Variants in ASCC3 observed in about 807,000 individuals in gnomAD.
ASCC3 encodes ASC-1 complex subunit P200.
Under a neutral mutation model 256.3 loss-of-function variants are expected in ASCC3, and 158 were observed. The ratio of observed to expected loss-of-function variants is 0.62; its 90% CI spans 0.54 to 0.70. The LOEUF is 0.70. Among genes scored for constraint, ASCC3 ranks in the 30% least tolerant of loss-of-function variants. ASCC3 has a pLI of 0.00. For missense variants in ASCC3, 2,259 were observed against 2,626.0 expected, an observed-to-expected ratio of 0.86 and a Z score of 3.05; for synonymous variants, 948 against 883.4, an observed-to-expected ratio of 1.07 and a Z score of -1.30.
In ASCC3 at chr6:100,608,186, GTATATATATACTT is replaced by G. The variant is rs1303384551; in HGVS notation, c.4786-1111_4786-1099del. ...TATATACATATTTATATATGTGTGT[GTATATATATACTT>G]TATATATATACTTTATATATATACT... On this transcript the variant is annotated intron_variant, in intron 30 of 41. Coordinates refer to ENST00000369162, the MANE Select transcript of ASCC3 (RefSeq NM_006828.4). Among the ~76,000 whole-genome samples the G allele has an allele frequency of 8.8e-4, 23 of 26,166 alleles. 2 individuals are homozygous for G. The highest frequency in any genetic ancestry group is 2.6e-3 in the South Asian group (2 of 784). The allele number at this position is 26,166 out of a possible 152,430, so 17.2% of individuals were successfully genotyped here.
intron 10 of ASCC3, among the ~76,000 whole-genome samples, chr6:100,765,686 C>T (rs1388654987): frequency 6.6e-6 from 1 of 152,152 alleles, no homozygotes; most frequent in East Asian, 1.9e-4. Flanking sequence ...TCAGGATCTC[C>T]TGAGGTTGTC....
intron 8 of ASCC3, among the ~76,000 whole-genome samples, chr6:100,793,869 T>C (rs192850213): frequency 6.6e-6 from 1 of 152,124 alleles, no homozygotes; most frequent in African/African-American, 2.4e-5. Context: ...TAACTAACAC[T>C]GTATGCTGAA....
At chr6:100,521,870 T>TCTCA (rs1774328581) in intron 37 of ASCC3, among the ~76,000 whole-genome samples, 1 of 152,186 alleles carries the variant, frequency 6.6e-6, no homozygotes, top group Non-Finnish European at 1.5e-5. Context: ...GTTCCTTGTG[T>TCTCA]CTCACTACCT....
chr6:100,633,767 G>A (rs1363147651), intron 25 of ASCC3, among the ~76,000 whole-genome samples: 2 of 151,774 alleles, frequency 1.3e-5, no homozygotes, highest in African/African-American at 4.8e-5. Flanking sequence ...CCAGCTACTC[G>A]GGAGACTGAG....
intron 36 of ASCC3, among the ~76,000 whole-genome samples, chr6:100,575,256 T>G (rs1463607272): frequency 6.6e-6 from 1 of 152,156 alleles, no homozygotes; most frequent in Non-Finnish European, 1.5e-5. Context: ...TATTCATAAC[T>G]GGCTTGTCCT....
At chr6:100,833,572 A>G (rs1771726030) in intron 4 of ASCC3, among the ~76,000 whole-genome samples, 1 of 152,244 alleles carries the variant, frequency 6.6e-6, no homozygotes, top group Non-Finnish European at 1.5e-5. Flanking sequence ...CAAGAACTCT[A>G]TACGTTTCAC....
chr6:100,546,210 T>G (rs976195633), intron 36 of ASCC3, among the ~76,000 whole-genome samples: 1 of 152,080 alleles, frequency 6.6e-6, no homozygotes, highest in Admixed American at 6.5e-5. Context: ...ACCTGGATAT[T>G]GAAAACAAAA....
intron 30 of ASCC3, among the ~76,000 whole-genome samples, chr6:100,616,351 T>C (rs751510272): frequency 6.6e-5 from 10 of 152,360 alleles, no homozygotes; most frequent in Admixed American, 3.9e-4. Flanking sequence ...GAAAACACTA[T>C]CAATCTTACT....
chr6:100,655,784 G>T lies in ASCC3; in HGVS notation c.2738C>A (p.Ala913Glu). Residue 913 changes from alanine to glutamate, a missense_variant, in exon 17 of 42, where the codon GCA becomes GAA. Coordinates refer to ENST00000369162, the MANE Select transcript of ASCC3 (RefSeq NM_006828.4). Reference protein sequence around the residue: ...ALGTVTNVEEAVKWISYTYLY... With the variant: ...ALGTVTNVEEEVKWISYTYLY... ...ATAAGTGTAACTTATCCACTTCACT[G>T]CTTCTTCCACATTAGTAACTGTTCC... is the stretch of plus-strand genomic sequence containing the variant. The T allele has an allele frequency of 6.2e-7, 1 of 1,611,402 alleles. No individual in the cohort carries two copies.
intron 2 of ASCC3, among the ~76,000 whole-genome samples, chr6:100,865,809 T>C (rs1179119514): frequency 6.6e-6 from 1 of 152,206 alleles, no homozygotes; most frequent in Non-Finnish European, 1.5e-5. Flanking sequence ...TTTCTTCGTA[T>C]GTTCAATTGA....
intron 36 of ASCC3, among the ~76,000 whole-genome samples, chr6:100,584,304 G>C (rs1051346447): frequency 9.9e-5 from 15 of 151,572 alleles, no homozygotes; most frequent in African/African-American, 3.1e-4. Flanking sequence ...AGGATAGTTA[G>C]CTCTTCTTGT....
intron 5 of ASCC3, among the ~76,000 whole-genome samples, chr6:100,802,656 T>C (rs1769975406): frequency 6.6e-6 from 1 of 152,010 alleles, no homozygotes; most frequent in South Asian, 2.1e-4. Context: ...CCAAAAAATA[T>C]GTAAAGCTAG....
At chr6:100,655,544 CCTAT>C (rs1192034912) in intron 17 of ASCC3, among the ~76,000 whole-genome samples, 151 bp downstream of exon 17, 3 of 151,634 alleles carry the variant, frequency 2.0e-5, no homozygotes, top group Non-Finnish European at 4.4e-5. Flanking sequence ...ACTACAGGGG[CCTAT>C]CTAATTTTTT....
chr6:100,786,671 C>A (rs1206348689), intron 8 of ASCC3, among the ~76,000 whole-genome samples: 3 of 152,106 alleles, frequency 2.0e-5, no homozygotes, highest in African/African-American at 7.2e-5. Flanking sequence ...CAGAATTTAA[C>A]AGAGACTCTT....
intron 36 of ASCC3, among the ~76,000 whole-genome samples, chr6:100,564,355 T>A (rs760765738): frequency 1.3e-5 from 2 of 152,068 alleles, no homozygotes; most frequent in Non-Finnish European, 2.9e-5. Flanking sequence ...CCTCTCTTCA[T>A]CCCCCATACT....
intron 37 of ASCC3, among the ~76,000 whole-genome samples, chr6:100,527,865 A>G (rs935119381): frequency 4.0e-5 from 6 of 149,858 alleles, no homozygotes; most frequent in African/African-American, 1.5e-4. Context: ...TTAAGATGGC[A>G]TCTCGCTCTG....
At chr6:100,861,159 G>A (rs945429469) in intron 3 of ASCC3, among the ~76,000 whole-genome samples, 1 of 152,022 alleles carries the variant, frequency 6.6e-6, no homozygotes, top group Non-Finnish European at 1.5e-5. Context: ...ACAAGGAAAG[G>A]AAAGCTAAAA....
At chr6:100,515,877 T>A (rs1397700445) in intron 39 of ASCC3, among the ~76,000 whole-genome samples, 1 of 152,142 alleles carries the variant, frequency 6.6e-6, no homozygotes, top group Non-Finnish European at 1.5e-5. Flanking sequence ...CTGAAACAAC[T>A]TCTCATAATG....
intron 13 of ASCC3, among the ~76,000 whole-genome samples, chr6:100,699,899 C>T (rs1462598896): frequency 1.3e-5 from 2 of 152,026 alleles, no homozygotes; most frequent in South Asian, 2.1e-4. Flanking sequence ...GCAAAACATT[C>T]GAGAAGTAAC....
Sources: allele counts gnomAD v4.1 joint callset (sites outside exome capture counted in the v4.1 genomes callset), GRCh38; gene constraint gnomAD v4.1.1; transcripts MANE v1.5; gene names NCBI Gene and HGNC (gene_info 2026-07-23, HGNC 2026-07-21).